The following SLC24A3 variants were observed in gnomAD, a reference collection of about 807,000 sequenced individuals.
The protein encoded by SLC24A3 is sodium/potassium/calcium exchanger 3.
SLC24A3 carries 28 observed loss-of-function variants against 75.8 expected under a neutral mutation model. The observed-to-expected ratio is 0.37, with a 90% CI of 0.27 to 0.51. The LOEUF is 0.51. SLC24A3 is among the 20% of genes least tolerant of loss of function. The pLI, the probability that SLC24A3 is intolerant of heterozygous loss-of-function variation, is 0.94. For synonymous variants in SLC24A3, 372 were observed against 334.1 expected (o/e 1.11, Z -1.24); for missense variants, 663 against 847.8 (o/e 0.78, Z 2.71).
intron 2 of SLC24A3, among the ~76,000 whole-genome samples, chr20:19,352,494 C>T (rs1282976578): frequency 6.6e-6 from 1 of 152,166 alleles, no homozygotes; most frequent in African/African-American, 2.4e-5. Context: ...CACCCATCTC[C>T]TCATTTGATT....
chr20:19,374,308 A>G (rs1986042479), intron 2 of SLC24A3, among the ~76,000 whole-genome samples: 1 of 152,216 alleles, frequency 6.6e-6, no homozygotes, highest in Middle Eastern at 3.2e-3. Context: ...CTGGTCTTGC[A>G]TGAGTAACCA....
intron 3 of SLC24A3, among the ~76,000 whole-genome samples, chr20:19,579,195 A>C (rs1018968691): frequency 1.4e-4 from 21 of 152,168 alleles, no homozygotes; most frequent in Non-Finnish European, 2.8e-4. Context: ...CTTAGGAAAG[A>C]GTGGGAGAAG....
At chr20:19,445,976 A>G (rs138914211) in intron 2 of SLC24A3, among the ~76,000 whole-genome samples, 15 of 152,330 alleles carry the variant, frequency 9.8e-5, no homozygotes, top group African/African-American at 3.4e-4. Context: ...ATCTCATTCT[A>G]TCCTCACAGT....
At chr20:19,710,594 A>G (rs1317800683) in intron 15 of SLC24A3, among the ~76,000 whole-genome samples, 4 of 152,222 alleles carry the variant, frequency 2.6e-5, no homozygotes, top group Non-Finnish European at 5.9e-5. Flanking sequence ...GATTTTCTGC[A>G]TTGGCACTTA....
At chr20:19,501,450 C>A (rs970098844) in intron 2 of SLC24A3, among the ~76,000 whole-genome samples, 1 of 152,200 alleles carries the variant, frequency 6.6e-6, no homozygotes, top group Non-Finnish European at 1.5e-5. Context: ...TTATTAAACA[C>A]CTACCTTGCT....
chr20:19,290,818 G>T lies in SLC24A3; in HGVS notation c.271+9731G>T, dbSNP rs200149839. 5.4e-4 allele frequency among the ~76,000 whole-genome samples: 82 copies of T among 152,234 alleles called. 1 individual carries two copies. The South Asian group carries it at 0.014, about 26-fold the overall frequency. On this transcript the variant is annotated intron_variant, in intron 2 of 16. Coordinates refer to ENST00000328041, the MANE Select transcript of SLC24A3 (RefSeq NM_020689.4). ...GCAAACAGATGAATAAAGGGAGACC[G>T]CCAGCCACATGTAAGACACCAAACC...
At position 19,685,360 on chromosome 20, in the gene SLC24A3, C is replaced by T. The variant is rs2032664477; in HGVS notation, c.1323C>T (p.Pro441=). Reference sequence around the variant, plus strand: ...GACCGTACACACCATTCGACACCCCCTGTAAGAGGTTCTATGTCTGGGCTG... The same window carrying T: ...GACCGTACACACCATTCGACACCCCTTGTAAGAGGTTCTATGTCTGGGCTG... ...DEGPYTPFDT[P]SGKLETVKWA... is the part of the protein sequence containing the mutation. Residue 441 remains proline (P), a splice_region_variant and synonymous_variant, in exon 12 of 17, where the codon CCC becomes CCT. Transcript: ENST00000328041. 1 of 1,612,958 alleles carries T rather than the reference C, an allele frequency of 6.2e-7. No homozygotes were observed. The highest frequency in any genetic ancestry group is 8.5e-7 in the Non-Finnish European group (1 of 1,179,206).
intron 2 of SLC24A3, among the ~76,000 whole-genome samples, chr20:19,407,271 C>T (rs150508968): frequency 3.3e-5 from 5 of 152,260 alleles, no homozygotes; most frequent in East Asian, 1.9e-4. Context: ...AAGAGGATGG[C>T]GGTAGGAGAC....
chr20:19,272,647 A>G (rs985336173), intron 1 of SLC24A3, among the ~76,000 whole-genome samples: 2 of 152,226 alleles, frequency 1.3e-5, no homozygotes, highest in African/African-American at 4.8e-5. Flanking sequence ...CTTATCATTT[A>G]AACTTAATCC....
chr20:19,421,945 G>T (rs1986925140), intron 2 of SLC24A3, among the ~76,000 whole-genome samples: 1 of 152,156 alleles, frequency 6.6e-6, no homozygotes, highest in South Asian at 2.1e-4. Flanking sequence ...GTGTCAGGGA[G>T]CGAGTTACCA....
At chr20:19,625,097 A>G (rs1177127863) in intron 6 of SLC24A3, among the ~76,000 whole-genome samples, 1 of 152,168 alleles carries the variant, frequency 6.6e-6, no homozygotes, top group African/African-American at 2.4e-5. Flanking sequence ...ATAAGAGTGG[A>G]TGCTCAAGCC....
At chr20:19,279,305 G>T (rs772490091) in intron 1 of SLC24A3, among the ~76,000 whole-genome samples, 1 of 152,178 alleles carries the variant, frequency 6.6e-6, no homozygotes, top group Non-Finnish European at 1.5e-5. Flanking sequence ...TTTTCCGCCC[G>T]CGGCAACTTT....
At chr20:19,241,997 C>A (rs1272451517) in intron 1 of SLC24A3, among the ~76,000 whole-genome samples, 2 of 152,308 alleles carry the variant, frequency 1.3e-5, no homozygotes, top group South Asian at 2.1e-4. Flanking sequence ...CCCAGTTATA[C>A]CTTCAAGGTC....
intron 1 of SLC24A3, among the ~76,000 whole-genome samples, chr20:19,246,746 G>GTC (rs1322685858): frequency 6.6e-6 from 1 of 151,986 alleles, no homozygotes; most frequent in Non-Finnish European, 1.5e-5. Context: ...CCTATTCTTT[G>GTC]TCTCTCTCTC....
rs368848351 is a variant in SLC24A3, at chr20:19,593,366, G to A, written c.612+7822G>A. Among the ~76,000 whole-genome samples, 169 of 152,308 alleles carry A rather than the reference G, an allele frequency of 1.1e-3. 1 individual carries two copies. The highest frequency in any genetic ancestry group is 3.8e-3 in the African/African-American group (156 of 41,566). On this transcript the variant is annotated intron_variant, in intron 6 of 16. Coordinates refer to ENST00000328041, the MANE Select transcript of SLC24A3 (RefSeq NM_020689.4). ...GCATCCAGGCCCCTCTGCCCCGCAA[G>A]TAGCTGAACCTGAGTTGAAGGTTAA... is the stretch of plus-strand genomic sequence containing the variant.
chr20:19,596,957 A>T (rs1568667654), intron 6 of SLC24A3, among the ~76,000 whole-genome samples: 1 of 151,964 alleles, frequency 6.6e-6, no homozygotes, highest in African/African-American at 2.4e-5. Flanking sequence ...ATTTTATCAG[A>T]CTCTGCTAGG....
Position 19,687,901 on chromosome 20 carries a change from G to A in SLC24A3, c.1324+2540G>A, listed in dbSNP as rs527991229. 5.3e-5 allele frequency among the ~76,000 whole-genome samples: 8 copies of A among 152,138 alleles called. No individual in the cohort carries two copies. In the South Asian group the frequency reaches 1.7e-3, roughly 32 times the overall value. Reference sequence around the variant, plus strand: ...TCAGACCTTCCAGCCACACCTTCTGGGCTCCTGTGTATGAGGAGACATGGC... The same window carrying A: ...TCAGACCTTCCAGCCACACCTTCTGAGCTCCTGTGTATGAGGAGACATGGC... On this transcript the variant is annotated intron_variant, in intron 12 of 16. Transcript: ENST00000328041.
chr20:19,694,680 C>T (rs1412061479), intron 13 of SLC24A3: 1 of 152,218 alleles, frequency 6.6e-6, no homozygotes, highest in East Asian at 1.9e-4. Flanking sequence ...AGCGGGCTAA[C>T]TGACCTGACT....
At chr20:19,468,721 TG>T (rs369738290) in intron 2 of SLC24A3, among the ~76,000 whole-genome samples, 5 of 152,212 alleles carry the variant, frequency 3.3e-5, no homozygotes, top group African/African-American at 9.6e-5. Flanking sequence ...TCAGGCTTGT[TG>T]TCTTCTCTGG....
Sources: gnomAD v4.1 joint callset for allele counts (sites outside exome capture counted in the v4.1 genomes callset) on GRCh38, gnomAD v4.1.1 for gene constraint, MANE v1.5 for transcripts, NCBI Gene and HGNC (gene_info 2026-07-23, HGNC 2026-07-21) for gene names.